The following GPATCH2L variants were observed in gnomAD, a reference collection of about 807,000 sequenced individuals.
GPATCH2L encodes G-patch domain containing 2 like.
Under a neutral mutation model 57.4 loss-of-function variants are expected in GPATCH2L, and 31 were observed. The observed-to-expected ratio is 0.54, with a 90% CI of 0.41 to 0.73. The LOEUF is 0.73. Ranked by LOEUF, GPATCH2L falls within the 30% of genes least tolerant of loss-of-function variation. GPATCH2L has a pLI of 0.00. For synonymous variants in GPATCH2L, 199 were observed against 210.7 expected (o/e 0.94, Z 0.48); for missense variants, 481 against 599.9 (o/e 0.80, Z 2.07).
rs2040367743 is a variant in GPATCH2L, at chr14:76,205,712, T to G, written c.*3861T>G. On this transcript the variant is annotated 3_prime_UTR_variant, in exon 10 of 10. Transcript: ENST00000261530. ...GAGTTATCATTAAAGTCACTTGGAA[T>G]TGAAAAAGATACAGAGTGTTGAGAC... The G allele has an allele frequency of 6.6e-6, 1 of 152,250 alleles. No homozygotes were observed. Among genetic ancestry groups the G allele is most frequent in the Non-Finnish European group, 1.5e-5 (1 of 68,068 alleles). The allele number at this position is 152,250 out of a possible 1,614,324, so 9.4% of individuals were successfully genotyped here. A position where few individuals can be genotyped will look rare whatever the true frequency, so the allele number is the denominator to read the frequency against.
Position 76,157,766 on chromosome 14 carries a change from C to T in GPATCH2L, c.662+2741C>T, listed in dbSNP as rs554598565. Among the ~76,000 whole-genome samples the T allele has an allele frequency of 7.2e-5, 11 of 152,008 alleles. No individual in the cohort carries two copies. The South Asian group carries it at 1.2e-3, about 17-fold the overall frequency. On this transcript the variant is annotated intron_variant, in intron 2 of 9. Coordinates refer to ENST00000261530, the MANE Select transcript of GPATCH2L (RefSeq NM_017926.4). ...CTAATTTCCTTAAACTCACTCTTTG[C>T]GACCTAAACATGGAGTATAGACTTC...
At chr14:76,182,173 C>T (rs976779999) in intron 8 of GPATCH2L, among the ~76,000 whole-genome samples, 24 of 151,874 alleles carry the variant, frequency 1.6e-4, no homozygotes, top group African/African-American at 4.8e-4. Flanking sequence ...CTGGCTAACA[C>T]GGTGAAAACC....
intron 8 of GPATCH2L, among the ~76,000 whole-genome samples, chr14:76,194,484 A>AGTGTGTGT (rs59406744): frequency 0.36 from 54,120 of 151,030 alleles, 11,626 homozygotes; most frequent in South Asian, 0.51. Flanking sequence ...GAGACATGAA[A>AGTGTGTGT]GTGTGTGTGT....
At position 76,204,255 on chromosome 14, in the gene GPATCH2L, T is replaced by A. The variant is rs2040350204; in HGVS notation, c.*2404T>A. 1 of 152,230 alleles carries A rather than the reference T, an allele frequency of 6.6e-6. No homozygotes were observed. The allele number at this position is 152,230 out of a possible 1,614,324, so 9.4% of individuals were successfully genotyped here. On this transcript the variant is annotated 3_prime_UTR_variant, in exon 10 of 10. Coordinates refer to ENST00000261530, the MANE Select transcript of GPATCH2L (RefSeq NM_017926.4). ...GAAACAGTATACCATGAATATTTAT[T>A]ATCTTTCTTGGGCATGCTTTTCTAC...
intron 2 of GPATCH2L, among the ~76,000 whole-genome samples, chr14:76,155,999 A>G (rs74069336): frequency 0.019 from 2,829 of 152,332 alleles, 67 homozygotes; most frequent in African/African-American, 0.065. Flanking sequence ...GCACTCAACT[A>G]TGGGCCAGGC....
intron 1 of GPATCH2L, chr14:76,153,950 C>T (rs188404749): frequency 4.1e-4 from 65 of 158,562 alleles, no homozygotes; most frequent in Non-Finnish European, 4.8e-4. Flanking sequence ...GTATGTTTTT[C>T]TGTTCCTGTC....
At chr14:76,190,110 A>T (rs1005374013) in intron 8 of GPATCH2L, among the ~76,000 whole-genome samples, 2 of 72,046 alleles carry the variant, frequency 2.8e-5, no homozygotes, top group African/African-American at 7.9e-5. Context: ...GTATTTCTCA[A>T]AGTATTTTTT....
intron 2 of GPATCH2L, among the ~76,000 whole-genome samples, chr14:76,234,169 T>C (rs1416303700): frequency 1.3e-5 from 2 of 152,220 alleles, no homozygotes; most frequent in Non-Finnish European, 2.9e-5. Flanking sequence ...TTCATGGAGA[T>C]TCATAGATAT....
intron 2 of GPATCH2L, among the ~76,000 whole-genome samples, chr14:76,164,625 A>C (rs1475874375): frequency 6.6e-6 from 1 of 152,232 alleles, no homozygotes; most frequent in Non-Finnish European, 1.5e-5. Context: ...AAAAAAAAGA[A>C]TATAGAATAA....
chr14:76,178,155 G>A (rs2139699351), intron 7 of GPATCH2L, 113 bp downstream of exon 7: 1 of 1,286,638 alleles, frequency 7.8e-7, no homozygotes, highest in Middle Eastern at 1.8e-4. Flanking sequence ...GTTCAACTGT[G>A]ATCATTAGTT....
At chr14:76,159,116 T>C (rs1021668926) in intron 2 of GPATCH2L, among the ~76,000 whole-genome samples, 1 of 152,220 alleles carries the variant, frequency 6.6e-6, no homozygotes, top group Non-Finnish European at 1.5e-5. Context: ...GATTCAAACA[T>C]GGGCTTGATG....
At chr14:76,169,787 T>C (rs1264764936) in intron 3 of GPATCH2L, among the ~76,000 whole-genome samples, 2 of 152,214 alleles carry the variant, frequency 1.3e-5, no homozygotes, top group Admixed American at 1.3e-4. Flanking sequence ...AAGAAAAGAA[T>C]TAATATATTG....
intron 1 of GPATCH2L, among the ~76,000 whole-genome samples, chr14:76,153,358 A>T (rs2038144715): frequency 6.6e-6 from 1 of 152,206 alleles, no homozygotes; most frequent in Admixed American, 6.5e-5. Flanking sequence ...CTTAAGGGGG[A>T]ATTTTGAAGA....
At chr14:76,162,314 C>T (rs779983882) in intron 2 of GPATCH2L, among the ~76,000 whole-genome samples, 4 of 152,126 alleles carry the variant, frequency 2.6e-5, no homozygotes, top group Non-Finnish European at 4.4e-5. Context: ...CATGCCCATC[C>T]GCATCTGTAG....
intron 5 of GPATCH2L, chr14:76,174,035 T>TA (rs201039232): frequency 0.22 from 35,565 of 165,042 alleles, 3,558 homozygotes; most frequent in African/African-American, 0.32. Context: ...TAGAATTCAT[T>TA]AAAAAAAAAA....
chr14:76,197,052 A>G (rs1297138593), intron 9 of GPATCH2L, among the ~76,000 whole-genome samples: 3 of 152,154 alleles, frequency 2.0e-5, no homozygotes, highest in Non-Finnish European at 4.4e-5. Flanking sequence ...ACAGCCTTAT[A>G]AGGTAGATGC....
chr14:76,160,653 C>CT (rs2038540652), intron 2 of GPATCH2L, among the ~76,000 whole-genome samples: 1 of 152,092 alleles, frequency 6.6e-6, no homozygotes, highest in African/African-American at 2.4e-5. Flanking sequence ...TTTAGTTTTT[C>CT]TTTTTTTCAC....
chr14:76,199,297 T>C (rs1215991011), intron 9 of GPATCH2L, among the ~76,000 whole-genome samples: 1 of 152,100 alleles, frequency 6.6e-6, no homozygotes, highest in Non-Finnish European at 1.5e-5. Flanking sequence ...TTTTTTCAAG[T>C]AGTTTTAGCA....
intron 2 of GPATCH2L, among the ~76,000 whole-genome samples, chr14:76,162,129 C>CAG (rs57091314): frequency 0.77 from 116,644 of 152,014 alleles, 45,766 homozygotes; most frequent in South Asian, 0.88. Flanking sequence ...GGTTCTGGTT[C>CAG]AGTCTTCTCA....
Sources: allele counts gnomAD v4.1 joint callset (sites outside exome capture counted in the v4.1 genomes callset), GRCh38; gene constraint gnomAD v4.1.1; transcripts MANE v1.5; gene names NCBI Gene and HGNC (gene_info 2026-07-23, HGNC 2026-07-21).